NCR1: variants seen among roughly 807,000 people sequenced by gnomAD.
NCR1 encodes natural cytotoxicity triggering receptor 1, also known as NK cell-activating receptor.
NCR1 carries 30 observed loss-of-function variants against 32.5 expected under a neutral mutation model. The ratio of observed to expected loss-of-function variants is 0.92; its 90% CI spans 0.69 to 1.25. NCR1 has a LOEUF of 1.25. Ranked by LOEUF, NCR1 falls within the 50% of genes most tolerant of loss-of-function variation. The pLI is 0.00. For synonymous variants in NCR1, 169 were observed against 143.4 expected, an observed-to-expected ratio of 1.18 and a Z score of -1.28; for missense variants, 369 against 380.7, an observed-to-expected ratio of 0.97 and a Z score of 0.26.
the NCR1 span, among the ~76,000 whole-genome samples, chr19:54,932,863 G>A: frequency 0.069 from 10,421 of 151,888 alleles, 362 homozygotes; most frequent in East Asian, 0.15. Context: ...CACCATGTTG[G>A]CCAGGCTGGT....
the NCR1 span, among the ~76,000 whole-genome samples, chr19:54,932,072 T>C: frequency 6.6e-6 from 1 of 152,158 alleles, no homozygotes; most frequent in Non-Finnish European, 1.5e-5. Context: ...AGGGGTATAG[T>C]GTGATGTTTT....
At chr19:54,919,714 A>ACCCCCCC (rs58529355), downstream of NCR1, among the ~76,000 whole-genome samples, 3 of 100,016 alleles carry the variant, frequency 3.0e-5, no homozygotes, top group Non-Finnish European at 4.1e-5. Context: ...GGAAAGGGAG[A>ACCCCCCC]CCCCCCCCCC....
In NCR1 at chr19:54,909,259, C is replaced by T. The variant is rs763854595; in HGVS notation, c.370C>T (p.Pro124Ser). The T allele has an allele frequency of 6.2e-6, 10 of 1,612,660 alleles. No individual in the cohort carries two copies. The highest frequency in any genetic ancestry group is 1.7e-5 in the Admixed American group (1 of 59,952). ...TTCTCTCATAGAAATGTATGACACA[C>T]CCACCCTCTCGGTTCATCCTGGACC... is the stretch of plus-strand genomic sequence containing the variant. ...DLVVTEMYDT[P>S]TLSVHPGPEV... Residue 124 changes from proline (P) to serine (S), a missense_variant, in exon 4 of 7, where the codon CCC becomes TCC. Physicochemically the swap from Pro to Ser is moderately conservative, Grantham distance 74. Coordinates refer to ENST00000291890, the MANE Select transcript of NCR1 (RefSeq NM_004829.7).
chr19:54,931,366 G>A, the NCR1 span, among the ~76,000 whole-genome samples: 1 of 152,046 alleles, frequency 6.6e-6, no homozygotes, highest in African/African-American at 2.4e-5. Flanking sequence ...AGACCAGCCT[G>A]GCCAAAGTGG....
chr19:54,899,101 T>C, the NCR1 span, among the ~76,000 whole-genome samples: 10 of 152,112 alleles, frequency 6.6e-5, no homozygotes, highest in Middle Eastern at 3.4e-3. Context: ...GCACTGGGCA[T>C]AGAGACTAGG....
At chr19:54,898,787 C>G in the NCR1 span, among the ~76,000 whole-genome samples, 1 of 152,072 alleles carries the variant, frequency 6.6e-6, no homozygotes. Flanking sequence ...GAAAAAGGAG[C>G]ATTAACCTTG....
chr19:54,916,138 C>T (rs1602076986), downstream of NCR1: 1 of 151,806 alleles, frequency 6.6e-6, no homozygotes, highest in East Asian at 1.9e-4. Context: ...TGCCGCTTTG[C>T]TATGTGTGTG....
the NCR1 span, among the ~76,000 whole-genome samples, chr19:54,900,840 A>G: frequency 1.3e-5 from 2 of 152,064 alleles, no homozygotes; most frequent in Non-Finnish European, 2.9e-5. Flanking sequence ...TGGGGTTCTG[A>G]AGGGCAGTGA....
chr19:54,908,329 C>A (rs139514823), intron 3 of NCR1, among the ~76,000 whole-genome samples: 1 of 152,130 alleles, frequency 6.6e-6, no homozygotes, highest in Admixed American at 6.6e-5. Flanking sequence ...TAACAGCATC[C>A]CAAAGCAGAA....
downstream of NCR1, among the ~76,000 whole-genome samples, chr19:54,920,799 G>C (rs1331570769): frequency 6.6e-6 from 1 of 152,094 alleles, no homozygotes; most frequent in African/African-American, 2.4e-5. Context: ...CCCGGCTGTG[G>C]GCAACACAGC....
In NCR1 at chr19:54,912,697, C is replaced by A. The variant is rs775971074; in HGVS notation, c.741C>A (p.Ala247=). The change falls in exon 7 of 7, where the codon GCC becomes GCA. Residue 247 remains alanine, a synonymous_variant. Transcript: ENST00000291890. ...CTGTTCTCCTGCCTACAGACCATGC[C>A]CTCTGGGATCACACTGCCCAGAATC... is the stretch of plus-strand genomic sequence containing the variant. ...TTETGLQKDH[A]LWDHTAQNLL... The A allele has an allele frequency of 6.2e-7, 1 of 1,611,584 alleles. No individual in the cohort carries two copies. The highest frequency in any genetic ancestry group is 2.2e-5 in the East Asian group (1 of 44,794).
chr19:54,923,762 G>C, the NCR1 span: 2 of 1,613,428 alleles, frequency 1.2e-6, no homozygotes, highest in Admixed American at 3.3e-5. Context: ...GTCACAGCAC[G>C]GAGGTGCCGT....
chr19:54,934,376 T>G, the NCR1 span: 2 of 1,032,634 alleles, frequency 1.9e-6, no homozygotes. The surrounding 1 kb of genome is among the most constrained non-coding windows in gnomAD (Gnocchi z 6.7). Flanking sequence ...CTGAAGCAGG[T>G]GTTTATTTCA....
downstream of NCR1, chr19:54,916,206 T>C (rs543782381): frequency 6.6e-6 from 1 of 152,016 alleles, no homozygotes; most frequent in Non-Finnish European, 1.5e-5. Context: ...CAGCTTTGGC[T>C]GGTAACGGGG....
At chr19:54,930,666 C>T in the NCR1 span, 1 of 1,613,208 alleles carries the variant, frequency 6.2e-7, no homozygotes. Flanking sequence ...ATTGCTGTAA[C>T]CTACAGGATA....
At chr19:54,934,356 C>T in the NCR1 span, 162 of 902,436 alleles carry the variant, frequency 1.8e-4, no homozygotes, top group Middle Eastern at 7.2e-4. The surrounding 1 kb of genome is among the most constrained non-coding windows in gnomAD (Gnocchi z 6.7). Flanking sequence ...CAGGAGCCAC[C>T]GTGCCGGGCC....
At chr19:54,924,764 C>T in the NCR1 span, among the ~76,000 whole-genome samples, 3 of 152,014 alleles carry the variant, frequency 2.0e-5, no homozygotes, top group South Asian at 2.1e-4. Context: ...AGTGAAACCC[C>T]GTCTCTACTA....
At chr19:54,922,859 C>G in the NCR1 span, among the ~76,000 whole-genome samples, 96,424 of 148,632 alleles carry the variant, frequency 0.65, 32,267 homozygotes, top group East Asian at 0.82. Context: ...GCGACAGAGA[C>G]ACACACAGAG....
At chr19:54,923,781 A>G in the NCR1 span, 1 of 1,613,962 alleles carries the variant, frequency 6.2e-7, no homozygotes, top group Non-Finnish European at 8.5e-7. Context: ...GTTGCCCCGG[A>G]AGCATTGCAA....
Sources: gnomAD v4.1 joint callset for allele counts (sites outside exome capture counted in the v4.1 genomes callset) on GRCh38, gnomAD v4.1.1 for gene constraint, Gnocchi (gnomAD v3.1) non-coding constraint, MANE v1.5 for transcripts, NCBI Gene and HGNC (gene_info 2026-07-23, HGNC 2026-07-21) for gene names.